WBP1: variants seen among roughly 807,000 people sequenced by gnomAD.
WBP1 encodes the protein WW domain-binding protein 1.
In WBP1, 18 loss-of-function variants were observed where a neutral mutation model predicts 25.6. That is an observed-to-expected ratio of 0.70 (90% confidence interval 0.49 to 1.04). The LOEUF (loss-of-function observed/expected upper bound fraction) is 1.04. Among genes scored for constraint, WBP1 ranks in the 50% least tolerant of loss-of-function variants. The probability of loss-of-function intolerance (pLI) is 0.00; values close to 1 mark genes in which losing one functional copy is unlikely to be tolerated. For missense variants in WBP1, 330 were observed against 352.9 expected, an observed-to-expected ratio of 0.94 and a Z score of 0.52; for synonymous variants, 122 against 137.7, an observed-to-expected ratio of 0.89 and a Z score of 0.80.
At chr2:74,458,880 A>G in intron 1 of WBP1, 2 of 1,550,660 alleles carry the variant, frequency 1.3e-6, no homozygotes, top group Non-Finnish European at 1.7e-6. Flanking sequence ...CCATGGCTGC[A>G]GTGGAAGCTT....
At position 74,458,689 on chromosome 2, in the gene WBP1, A is replaced by G; in HGVS notation, c.69+18A>G. 6.4e-7 allele frequency: 1 copy of G among 1,567,362 alleles called. No individual in the cohort carries two copies. The highest frequency in any genetic ancestry group is 8.7e-7 in the Non-Finnish European group (1 of 1,155,404). On this transcript the variant is annotated intron_variant, in intron 1 of 3. Transcript: ENST00000233615. Reference sequence around the variant, plus strand: ...AACAGCAGGTATCCCAATAGCTCCAAAACCTATCACGACAGCCATTTGTCT... The same window carrying G: ...AACAGCAGGTATCCCAATAGCTCCAGAACCTATCACGACAGCCATTTGTCT...
chr2:74,459,548 A>G (rs924087236), intron 1 of WBP1, 95 bp from the exon 2 acceptor site: 3 of 1,169,830 alleles, frequency 2.6e-6, no homozygotes, highest in Admixed American at 4.0e-5. Flanking sequence ...AACTTGGTTC[A>G]CAGGGTGGGA....
chr2:74,458,807 TCTTTGTCTAAA>T (rs1671794288), intron 1 of WBP1, 136 bp downstream of exon 1: 2 of 1,528,448 alleles, frequency 1.3e-6, no homozygotes, highest in East Asian at 4.9e-5. Flanking sequence ...TCTCTTCCAC[TCTTTGTCTAAA>T]CTTTGTAACG....
chr2:74,458,738 C>T (rs1671791816), intron 1 of WBP1, 67 bp downstream of exon 1: 2 of 1,530,478 alleles, frequency 1.3e-6, no homozygotes, highest in Admixed American at 2.0e-5. Flanking sequence ...TTGTCCCTTC[C>T]TTTTGGGGGT....
At chr2:74,459,782 T>C in intron 2 of WBP1, 37 bp downstream of exon 2, 1 of 1,613,884 alleles carries the variant, frequency 6.2e-7, no homozygotes. Flanking sequence ...GGTCCCTGTG[T>C]CCACCCTCCC....
chr2:74,460,623 A>G lies in WBP1; in HGVS notation c.752A>G (p.Glu251Gly). The change falls in exon 4 of 4, where the codon GAG becomes GGG. Residue 251 changes from glutamate to glycine, a missense_variant. Transcript: ENST00000233615. The part of the protein sequence containing the change: ...EDYSPCALPP[E>G]SVPQIFPMGL... ...TACTCCCCGTGTGCACTACCCCCAG[A>G]GTCTGTACCGCAGATCTTTCCCATG... 2 of 1,608,036 alleles carry G rather than the reference A, an allele frequency of 1.2e-6. No individual in the cohort carries two copies. Among genetic ancestry groups the G allele is most frequent in the Non-Finnish European group, 1.7e-6 (2 of 1,176,558 alleles).
Position 74,460,543 on chromosome 2 carries a change from G to A in WBP1, c.672G>A (p.Glu224=), listed in dbSNP as rs773375398. The A allele has an allele frequency of 6.2e-7, 1 of 1,613,502 alleles. No homozygotes were observed. The highest frequency in any genetic ancestry group is 1.1e-5 in the South Asian group (1 of 91,066). The change falls in exon 4 of 4, where the codon GAG becomes GAA. Residue 224 remains glutamate (E), a synonymous_variant. Coordinates refer to ENST00000233615, the MANE Select transcript of WBP1 (RefSeq NM_012477.4). ...TCTGCCCTTGTCCTGCCTCCGGTGA[G>A]GGTGAGCCAGTCAAGGAGGTGAGGG... is the stretch of plus-strand genomic sequence containing the variant. ...IELCPCPASG[E]GEPVKEVRVS...
At chr2:74,459,229 G>A in intron 1 of WBP1, 1 of 1,292,980 alleles carries the variant, frequency 7.7e-7, no homozygotes, top group South Asian at 1.5e-5. Flanking sequence ...AACTTGCTTT[G>A]GAAATGACCT....
rs1417043795 is a variant in WBP1 at position 74,459,754 on chromosome 2, C to A, written c.172+9C>A. ...CTACTATGAGCTCTGGTGTAAGTCT[C>A]CAAGAGGGCTATTTCCAGGTCCCTG... On this transcript the variant is annotated intron_variant, in intron 2 of 3. Coordinates refer to ENST00000233615, the MANE Select transcript of WBP1 (RefSeq NM_012477.4). The A allele has an allele frequency of 1.9e-6, 3 of 1,614,044 alleles. No individual in the cohort carries two copies. The highest frequency in any genetic ancestry group is 2.5e-6 in the Non-Finnish European group (3 of 1,180,010).
Position 74,459,710 on chromosome 2 carries a change from A to G in WBP1, c.137A>G (p.Glu46Gly), listed in dbSNP as rs1230374830. Residue 46 changes from glutamate (E) to glycine (G), a missense_variant, in exon 2 of 4, where the codon GAG becomes GGG. Physicochemically the swap from Glu to Gly is moderately conservative, Grantham distance 98. Coordinates refer to ENST00000233615, the MANE Select transcript of WBP1 (RefSeq NM_012477.4). ...YLCESGHCCG[E>G]TGCCTYYYEL... ...TGTGAGAGTGGTCACTGCTGCGGGG[A>G]GACTGGCTGCTGCACCTACTACTAT... 2 of 1,614,084 alleles carry G rather than the reference A, an allele frequency of 1.2e-6. No homozygotes were observed. The highest frequency in any genetic ancestry group is 1.7e-6 in the Non-Finnish European group (2 of 1,179,994).
Position 74,458,632 on chromosome 2 carries a change from C to G in WBP1, c.30C>G (p.Ser10Arg). 6.4e-7 allele frequency: 1 copy of G among 1,568,420 alleles called. No individual in the cohort carries two copies. The highest frequency in any genetic ancestry group is 8.6e-7 in the Non-Finnish European group (1 of 1,156,426). The change falls in exon 1 of 4, where the codon AGC (serine) becomes AGG (arginine). Residue 10 changes from serine to arginine, a missense_variant. Physicochemically the swap from Ser to Arg is moderately radical, Grantham distance 110 (BLOSUM62 -1). Coordinates refer to ENST00000233615, the MANE Select transcript of WBP1 (RefSeq NM_012477.4). MARASSGNG[S>R]EEAWGALRAP... ...CTCGGGCCAGCAGCGGGAACGGCAGCGAGGAGGCCTGGGGGGCACTTCGGG... is the reference window on the plus strand; with the variant it reads ...CTCGGGCCAGCAGCGGGAACGGCAGGGAGGAGGCCTGGGGGGCACTTCGGG...
intron 3 of WBP1, 54 bp downstream of exon 3, chr2:74,460,103 C>G: frequency 6.3e-7 from 1 of 1,594,926 alleles, no homozygotes; most frequent in Non-Finnish European, 8.6e-7. Context: ...CAAACCAGAA[C>G]CCCAAATCGT....
Position 74,458,618 on chromosome 2 carries a change from A to C in WBP1, c.16A>C (p.Ser6Arg), listed in dbSNP as rs1448073153. The change falls in exon 1 of 4, where the codon AGC becomes CGC. Residue 6 changes from serine to arginine, a missense_variant. Physicochemically the swap from Ser to Arg is moderately radical, Grantham distance 110 (BLOSUM62 -1). Coordinates refer to ENST00000233615, the MANE Select transcript of WBP1 (RefSeq NM_012477.4). ...AGGTGGAGGTATGGCTCGGGCCAGC[A>C]GCGGGAACGGCAGCGAGGAGGCCTG... MARAS[S>R]GNGSEEAWGA... The C allele has an allele frequency of 6.4e-7, 1 of 1,563,618 alleles. No homozygotes were observed. The highest frequency in any genetic ancestry group is 8.7e-7 in the Non-Finnish European group (1 of 1,153,282).
Position 74,459,669 on chromosome 2 carries a change from C to A in WBP1, c.96C>A (p.Asn32Lys). ...TTCGAGAGCTGTGCCCAGGAGTGAACAACCAGCCCTACCTCTGTGAGAGTG... is the reference window on the plus strand; with the variant it reads ...TTCGAGAGCTGTGCCCAGGAGTGAAAAACCAGCCCTACCTCTGTGAGAGTG... Reference protein sequence around the residue: ...QQLRELCPGVNNQPYLCESGH... With the variant: ...QQLRELCPGVKNQPYLCESGH... Residue 32 changes from asparagine (N) to lysine (K), a missense_variant, in exon 2 of 4, where the codon AAC (asparagine) becomes AAA (lysine). Coordinates refer to ENST00000233615, the MANE Select transcript of WBP1 (RefSeq NM_012477.4). 6.2e-7 allele frequency: 1 copy of A among 1,614,112 alleles called. No individual in the cohort carries two copies. Among genetic ancestry groups the A allele is most frequent in the East Asian group, 2.2e-5 (1 of 44,886 alleles).
At position 74,459,645 on chromosome 2, in the gene WBP1, TC is replaced by T; in HGVS notation, c.73del (p.Arg25GlufsTer7). On this transcript the variant is annotated frameshift_variant, in exon 2 of 4. Coordinates refer to ENST00000233615, the MANE Select transcript of WBP1 (RefSeq NM_012477.4). LOFTEE classifies it high-confidence loss of function. ...GALRAPQQQL[R>X]ELCPGVNNQP... ...TCTAAGTGCCTCCTTGCCCGCAGCT[TC>T]GAGAGCTGTGCCCAGGAGTGAACAA... 1.2e-6 allele frequency: 2 copies of T among 1,614,014 alleles called. No individual in the cohort carries two copies. The highest frequency in any genetic ancestry group is 1.7e-6 in the Non-Finnish European group (2 of 1,179,990).
Position 74,460,771 on chromosome 2 carries a change from C to T in WBP1, c.*90C>T. ...GTTCCTTTGGCCCCTCCCTGCCTAC[C>T]TAGAATCTGCCTGAAAGGGCTGGAG... is the stretch of plus-strand genomic sequence containing the variant. On this transcript the variant is annotated 3_prime_UTR_variant, in exon 4 of 4. Transcript: ENST00000233615. 1 of 1,190,632 alleles carries T rather than the reference C, an allele frequency of 8.4e-7. No individual in the cohort carries two copies. The highest frequency in any genetic ancestry group is 1.2e-6 in the Non-Finnish European group (1 of 858,258). 73.8% of individuals were successfully genotyped at this position (1,190,632 alleles called of 1,614,324 possible).
Position 74,459,935 on chromosome 2 carries a change from C to A in WBP1, c.235C>A (p.Arg79=), listed in dbSNP as rs767331058. 1 of 1,614,202 alleles carries A rather than the reference C, an allele frequency of 6.2e-7. No homozygotes were observed. The highest frequency in any genetic ancestry group is 1.7e-5 in the Admixed American group (1 of 60,024). The change falls in exon 3 of 4, where the codon CGA becomes AGA. Residue 79 remains arginine (R), a synonymous_variant. Coordinates refer to ENST00000233615, the MANE Select transcript of WBP1 (RefSeq NM_012477.4). The stretch of plus-strand genomic sequence containing the variant: ...CTGCTGTTGCGCCTTCCGCCACCGA[C>A]GAGCTAAACTCAGGCTGCAACAACA... ...FSCCCAFRHR[R]AKLRLQQQQR...
At position 74,460,328 on chromosome 2, in the gene WBP1, A is replaced by G; in HGVS notation, c.457A>G (p.Ser153Gly). The G allele has an allele frequency of 6.2e-7, 1 of 1,611,650 alleles. No homozygotes were observed. Among genetic ancestry groups the G allele is most frequent in the South Asian group, 1.1e-5 (1 of 91,014 alleles). ...CCCAGGCCGCCCCTTGACTGCTTCC[A>G]GTGAACAAACCTGCTGTTCCTCCTC... is the stretch of plus-strand genomic sequence containing the variant. ...VAPGRPLTAS[S>G]EQTCCSSSSS... The change falls in exon 4 of 4, where the codon AGT (serine) becomes GGT (glycine). Residue 153 changes from serine to glycine, a missense_variant. Physicochemically the swap from Ser to Gly is moderately conservative, Grantham distance 56 (BLOSUM62 0). Coordinates refer to ENST00000233615, the MANE Select transcript of WBP1 (RefSeq NM_012477.4).
intron 1 of WBP1, chr2:74,459,344 T>TGGGGGGGGGGGGGGTG: frequency 4.1e-6 from 1 of 241,906 alleles, no homozygotes; most frequent in South Asian, 4.6e-5. Flanking sequence ...GTAGGGGGGT[T>TGGGGGGGGGGGGGGTG]GGGGAGAGTG....
Sources: allele counts gnomAD v4.1 joint callset, GRCh38; gene constraint gnomAD v4.1.1; transcripts MANE v1.5; gene names NCBI Gene and HGNC (gene_info 2026-07-23, HGNC 2026-07-21).